The following GPC6 variants were observed in gnomAD, a reference collection of about 807,000 sequenced individuals.
GPC6 encodes glypican 6, also known as glypican-6.
In GPC6, 14 loss-of-function variants were observed where a neutral mutation model predicts 55.2. The observed-to-expected ratio is 0.25, with a 90% CI of 0.17 to 0.40. GPC6 has a LOEUF of 0.40. Among genes scored for constraint, GPC6 ranks in the 10% least tolerant of loss-of-function variants. The pLI is 1.00. For missense variants in GPC6, 641 were observed against 708.5 expected, an observed-to-expected ratio of 0.90 and a Z score of 1.08; for synonymous variants, 278 against 259.6, an observed-to-expected ratio of 1.07 and a Z score of -0.68.
chr13:93,680,516 A>ATG lies in GPC6; in HGVS notation c.319+135098_319+135099dup, dbSNP rs1361892891. ...ATAGGTTTAGAGGAATTTGGCTGGAATGTGAAGTACGCAGAGAGATAGCAG... is the reference window on the plus strand; with the variant it reads ...ATAGGTTTAGAGGAATTTGGCTGGAATGTGTGAAGTACGCAGAGAGATAGCAG... On this transcript the variant is annotated intron_variant, in intron 2 of 8. Coordinates refer to ENST00000377047, the MANE Select transcript of GPC6 (RefSeq NM_005708.5). Among the ~76,000 whole-genome samples, 8 of 152,298 alleles carry ATG rather than the reference A, an allele frequency of 5.3e-5. No individual in the cohort carries two copies. The East Asian group carries it at 1.5e-3, about 29-fold the overall frequency.
intron 2 of GPC6, among the ~76,000 whole-genome samples, chr13:93,731,722 C>A (rs141378662): frequency 1.3e-5 from 2 of 151,844 alleles, no homozygotes; most frequent in Non-Finnish European, 2.9e-5. Flanking sequence ...TGGATGTGAG[C>A]GTGAATTGTA....
chr13:93,477,956 ATAGT>A (rs1226015307), intron 1 of GPC6, among the ~76,000 whole-genome samples: 20 of 151,906 alleles, frequency 1.3e-4, no homozygotes, highest in Admixed American at 6.6e-5. Context: ...AATATATAAG[ATAGT>A]TAATGGTACT....
chr13:93,620,750 A>T (rs1878916951), intron 2 of GPC6, among the ~76,000 whole-genome samples: 1 of 152,132 alleles, frequency 6.6e-6, no homozygotes, highest in Non-Finnish European at 1.5e-5. Context: ...ATTCCCTTTG[A>T]TGAACACAGG....
intron 6 of GPC6, among the ~76,000 whole-genome samples, chr13:94,374,326 C>T (rs1017760186): frequency 4.0e-5 from 6 of 151,344 alleles, no homozygotes; most frequent in South Asian, 2.1e-4. Flanking sequence ...ACCCATCTCA[C>T]GTGCAGAGAC....
intron 4 of GPC6, among the ~76,000 whole-genome samples, chr13:94,161,249 T>C (rs866682733): frequency 1.3e-5 from 2 of 151,544 alleles, no homozygotes; most frequent in African/African-American, 4.9e-5. Flanking sequence ...ATCTAACAAA[T>C]GAAGCAGATG....
At chr13:93,237,978 A>G (rs1876295490) in intron 1 of GPC6, among the ~76,000 whole-genome samples, 1 of 152,178 alleles carries the variant, frequency 6.6e-6, no homozygotes, top group Non-Finnish European at 1.5e-5. Flanking sequence ...GCATTGTAGT[A>G]TAATTTGAAG....
chr13:94,389,019 G>A (rs561374795), intron 7 of GPC6, among the ~76,000 whole-genome samples: 3 of 152,134 alleles, frequency 2.0e-5, no homozygotes, highest in African/African-American at 7.2e-5. Flanking sequence ...CAGCCTAGTC[G>A]TCTTCAGTGA....
chr13:93,864,999 T>G (rs1444838685), intron 3 of GPC6, among the ~76,000 whole-genome samples: 2 of 151,780 alleles, frequency 1.3e-5, no homozygotes, highest in Non-Finnish European at 2.9e-5. Flanking sequence ...CATTTGTTTA[T>G]GTAAAATATA....
At chr13:93,847,595 T>C (rs1244808435) in intron 3 of GPC6, among the ~76,000 whole-genome samples, 2 of 152,300 alleles carry the variant, frequency 1.3e-5, no homozygotes, top group East Asian at 3.9e-4. Context: ...AGTGAATTAT[T>C]ACTTGGGTGC....
intron 2 of GPC6, among the ~76,000 whole-genome samples, chr13:93,783,638 A>C (rs965516808): frequency 9.9e-5 from 15 of 152,026 alleles, no homozygotes; most frequent in Non-Finnish European, 2.1e-4. Context: ...TAATATAATA[A>C]ATTTCCATGG....
chr13:93,864,587 C>A (rs1888905735), intron 3 of GPC6, among the ~76,000 whole-genome samples: 1 of 151,716 alleles, frequency 6.6e-6, no homozygotes, highest in African/African-American at 2.4e-5. Flanking sequence ...TGTAACAGGG[C>A]AGTAATAAAA....
intron 3 of GPC6, among the ~76,000 whole-genome samples, chr13:93,972,418 A>T (rs1336132218): frequency 3.3e-5 from 5 of 152,204 alleles, no homozygotes; most frequent in Non-Finnish European, 5.9e-5. Context: ...CTTTATAAAT[A>T]GAATACTCAT....
At chr13:93,747,033 T>C (rs1699664723) in intron 2 of GPC6, among the ~76,000 whole-genome samples, 1 of 152,162 alleles carries the variant, frequency 6.6e-6, no homozygotes, top group African/African-American at 2.4e-5. Context: ...TAAAGTCTTA[T>C]TACTTGAGGA....
chr13:93,249,550 T>G (rs1167663385), intron 1 of GPC6, among the ~76,000 whole-genome samples: 1 of 152,162 alleles, frequency 6.6e-6, no homozygotes, highest in African/African-American at 2.4e-5. Context: ...CTTGTGGACT[T>G]TTGGGAAAAA....
chr13:93,813,103 A>G lies in GPC6; in HGVS notation c.320-17051A>G, dbSNP rs76255299. Among the ~76,000 whole-genome samples, 225 of 152,314 alleles carry G rather than the reference A, an allele frequency of 1.5e-3. 1 individual carries two copies. The highest frequency in any genetic ancestry group is 2.4e-3 in the Non-Finnish European group (163 of 68,026). On this transcript the variant is annotated intron_variant, in intron 2 of 8. Transcript: ENST00000377047. ...ATTTCCCCTGCACAGGGAAAGTAGT[A>G]TATAGTTTGGTAGTTTCTGTATCTC...
intron 1 of GPC6, chr13:93,394,886 CAA>C: frequency 6.4e-6 from 1 of 155,348 alleles, no homozygotes; most frequent in East Asian, 1.7e-4. Context: ...AGCAAGGGCA[CAA>C]AAAAATCTAC....
intron 4 of GPC6, among the ~76,000 whole-genome samples, chr13:94,115,626 G>T (rs373839175): frequency 6.6e-6 from 1 of 152,182 alleles, no homozygotes; most frequent in South Asian, 2.1e-4. Context: ...TTTTGTTTAC[G>T]TGTACACTGG....
chr13:93,862,867 C>G (rs1296464368), intron 3 of GPC6, among the ~76,000 whole-genome samples: 2 of 151,504 alleles, frequency 1.3e-5, no homozygotes, highest in Admixed American at 1.3e-4. Context: ...TTTTTTCTCT[C>G]TCTGGTTAGA....
chr13:94,092,586 A>G (rs1296260677), intron 4 of GPC6, among the ~76,000 whole-genome samples: 2 of 152,086 alleles, frequency 1.3e-5, no homozygotes, highest in African/African-American at 4.8e-5. Flanking sequence ...TGGTGCTTTA[A>G]TGAACATGGG....
Sources: gnomAD v4.1 joint callset for allele counts (sites outside exome capture counted in the v4.1 genomes callset) on GRCh38, gnomAD v4.1.1 for gene constraint, MANE v1.5 for transcripts, NCBI Gene and HGNC (gene_info 2026-07-23, HGNC 2026-07-21) for gene names.